The following RBFOX1 variants were observed in gnomAD, a reference collection of about 807,000 sequenced individuals.
The protein encoded by RBFOX1 is RNA binding protein fox-1 homolog 1.
A neutral mutation model predicts 57.7 loss-of-function variants in RBFOX1; 8 were observed. The ratio of observed to expected loss-of-function variants is 0.14; its 90% CI spans 0.08 to 0.25. RBFOX1 has a LOEUF of 0.25. RBFOX1 is among the 10% of genes least tolerant of loss of function. The pLI, the probability that RBFOX1 is intolerant of heterozygous loss-of-function variation, is 1.00. For missense variants in RBFOX1, 611 were observed against 548.5 expected (o/e 1.11, Z -1.14); for synonymous variants, 326 against 222.4 (o/e 1.47, Z -4.15).
chr16:6,977,497 C>T (rs1322249017), intron 3 of RBFOX1, among the ~76,000 whole-genome samples: 1 of 152,086 alleles, frequency 6.6e-6, no homozygotes, highest in Admixed American at 6.6e-5. Flanking sequence ...CAGCAAGTCC[C>T]AGCCTCATTT....
At chr16:6,213,431 A>G (rs2097311259) in intron 1 of RBFOX1, among the ~76,000 whole-genome samples, 2 of 152,130 alleles carry the variant, frequency 1.3e-5, no homozygotes, top group African/African-American at 2.4e-5. Context: ...ACAACCGGCA[A>G]TATGGAAAAC....
chr16:6,780,626 G>C (rs1236215620), intron 3 of RBFOX1, among the ~76,000 whole-genome samples: 1 of 136,234 alleles, frequency 7.3e-6, no homozygotes, highest in Non-Finnish European at 1.6e-5. Context: ...TTTAGTTGTT[G>C]GTTTCTTTTC....
chr16:5,673,717 C>G lies in RBFOX1; in HGVS notation c.318+74756C>G, dbSNP rs138648600. On this transcript the variant is annotated intron_variant, in intron 3 of 19. Transcript: ENST00000641259. ...TCTAGCTACTTATTGTGGCATCCCT[C>G]CTGTCTGTATCCACACCTTTTCTCT... Among the ~76,000 whole-genome samples the G allele has an allele frequency of 7.7e-3, 1,167 of 152,336 alleles. 13 individuals carry two copies. The highest frequency in any genetic ancestry group is 0.026 in the African/African-American group (1,090 of 41,572).
intron 4 of RBFOX1, among the ~76,000 whole-genome samples, chr16:7,409,884 G>C (rs548662034): frequency 6.6e-6 from 1 of 152,282 alleles, no homozygotes; most frequent in Admixed American, 6.5e-5. Context: ...GTGGAAAAAT[G>C]GAGTTCCGGC....
intron 5 of RBFOX1, among the ~76,000 whole-genome samples, chr16:7,563,645 T>G (rs946898614): frequency 6.6e-6 from 1 of 152,108 alleles, no homozygotes; most frequent in Non-Finnish European, 1.5e-5. Context: ...TTTTTTGTAC[T>G]TTTAGTAGAG....
chr16:7,477,554 C>T lies in RBFOX1; in HGVS notation c.28-40593C>T, dbSNP rs150527371. 2.9e-3 allele frequency among the ~76,000 whole-genome samples: 440 copies of T among 152,270 alleles called. 2 individuals are homozygous for T. Among genetic ancestry groups the T allele is most frequent in the Non-Finnish European group, 5.1e-3 (349 of 68,024 alleles). ...CTCCCCAAAGAGAAAATGTACTAAG[C>T]GAACTTGACAGATTCCGGCTGGCTC... On this transcript the variant is annotated intron_variant, in intron 4 of 15. Transcript: ENST00000550418.
In RBFOX1 at chr16:7,653,926, C is replaced by CCCCGAT; in HGVS notation, c.874_879dup (p.Ile292_Pro293dup). 3.9e-6 allele frequency: 6 copies of CCCCGAT among 1,557,206 alleles called. No individual in the cohort carries two copies. The highest frequency in any genetic ancestry group is 5.2e-6 in the Non-Finnish European group (6 of 1,158,582). ...ACCTTCAGGGCCGCGGCGCCCCCGCCCCCGATCCCGGCCTACGGCGGGTAA... is the reference window on the plus strand; with the variant it reads ...ACCTTCAGGGCCGCGGCGCCCCCGCCCCCGATCCCGATCCCGGCCTACGGCGGGTAA... On this transcript the variant is annotated inframe_insertion, in exon 12 of 16. Transcript: ENST00000550418.
At chr16:6,604,365 T>A (rs1049739754) in intron 2 of RBFOX1, among the ~76,000 whole-genome samples, 1 of 152,162 alleles carries the variant, frequency 6.6e-6, no homozygotes, top group African/African-American at 2.4e-5. Context: ...TTTTAAGAGA[T>A]AGGGCCTTGC....
intron 4 of RBFOX1, among the ~76,000 whole-genome samples, chr16:7,239,939 A>G (rs574793980): frequency 2.6e-5 from 4 of 152,272 alleles, no homozygotes; most frequent in African/African-American, 7.2e-5. Flanking sequence ...TCAAATTCCA[A>G]AACTTCCTAC....
intron 5 of RBFOX1, among the ~76,000 whole-genome samples, chr16:7,520,666 G>T (rs2077336997): frequency 6.6e-6 from 1 of 152,182 alleles, no homozygotes; most frequent in African/African-American, 2.4e-5. Context: ...CTGTGCCTTA[G>T]GCATGGGCCT....
chr16:6,989,065 T>G (rs1227771865), intron 3 of RBFOX1, among the ~76,000 whole-genome samples: 2 of 152,012 alleles, frequency 1.3e-5, no homozygotes, highest in Non-Finnish European at 2.9e-5. Flanking sequence ...GCCCGGCTTT[T>G]TTGGTATTTT....
chr16:5,690,976 G>C (rs1346466321), intron 3 of RBFOX1, among the ~76,000 whole-genome samples: 1 of 152,192 alleles, frequency 6.6e-6, no homozygotes, highest in Non-Finnish European at 1.5e-5. Flanking sequence ...AGAAGGGAGA[G>C]CAGGTAATCC....
At chr16:6,565,214 A>G (rs1011200730) in intron 2 of RBFOX1, among the ~76,000 whole-genome samples, 3 of 151,496 alleles carry the variant, frequency 2.0e-5, no homozygotes, top group Non-Finnish European at 4.4e-5. Context: ...GACAAAGTAC[A>G]AATAGCCATA....
At chr16:7,553,662 C>G (rs779910620) in intron 5 of RBFOX1, among the ~76,000 whole-genome samples, 6 of 152,180 alleles carry the variant, frequency 3.9e-5, no homozygotes, top group Admixed American at 2.0e-4. Flanking sequence ...AGGCACTGCT[C>G]AGCATTACCA....
chr16:5,430,262 G>T (rs1482826476), intron 1 of RBFOX1, among the ~76,000 whole-genome samples: 2 of 152,270 alleles, frequency 1.3e-5, no homozygotes, highest in South Asian at 2.1e-4. Flanking sequence ...AGGTGGTGGG[G>T]CCTGACCTGG....
intron 2 of RBFOX1, among the ~76,000 whole-genome samples, chr16:5,551,588 T>G (rs1157940401): frequency 3.9e-5 from 6 of 152,196 alleles, no homozygotes; most frequent in African/African-American, 1.4e-4. Context: ...CAGCTTGCTT[T>G]CAGCACGGTG....
At chr16:5,245,316 C>T (rs1276692736) in intron 1 of RBFOX1, among the ~76,000 whole-genome samples, 5 of 152,136 alleles carry the variant, frequency 3.3e-5, no homozygotes, top group East Asian at 1.9e-4. Context: ...AGGAAGTTGA[C>T]TTTGGACTCA....
At chr16:7,186,107 C>A (rs1320639083) in intron 4 of RBFOX1, among the ~76,000 whole-genome samples, 1 of 151,804 alleles carries the variant, frequency 6.6e-6, no homozygotes, top group African/African-American at 2.4e-5. Context: ...TATTTAATTG[C>A]ACAGATATGT....
At chr16:6,072,792 C>T (rs1357919037) in intron 1 of RBFOX1, among the ~76,000 whole-genome samples, 1 of 151,948 alleles carries the variant, frequency 6.6e-6, no homozygotes, top group Non-Finnish European at 1.5e-5. Context: ...ATGTTAAGAT[C>T]TCATAGTAAA....
Sources: allele counts gnomAD v4.1 joint callset (sites outside exome capture counted in the v4.1 genomes callset), GRCh38; gene constraint gnomAD v4.1.1; transcripts MANE v1.5; gene names NCBI Gene and HGNC (gene_info 2026-07-23, HGNC 2026-07-21).